Variants in TUSC3 observed in about 807,000 individuals in gnomAD.
TUSC3 encodes the protein tumor suppressor candidate 3.
TUSC3 carries 45 observed loss-of-function variants against 44.8 expected under a neutral mutation model. The observed-to-expected ratio is 1.00, with a 90% confidence interval of 0.79 to 1.29. The LOEUF is 1.29. TUSC3 is among the 50% of genes most tolerant of loss of function. The probability of loss-of-function intolerance (pLI) is 0.00; values close to 1 mark genes in which losing one functional copy is unlikely to be tolerated. For synonymous variants in TUSC3, 212 were observed against 152.9 expected (o/e 1.39, Z -2.85); for missense variants, 519 against 437.9 (o/e 1.19, Z -1.65).
chr8:15,662,127 T>C (rs2129179987), intron 4 of TUSC3, 29 bp from the exon 5 acceptor site: 7 of 1,611,496 alleles, frequency 4.3e-6, no homozygotes, highest in Non-Finnish European at 5.9e-6. Flanking sequence ...TTTTCTTTCA[T>C]TTTTGAAATT....
At chr8:15,672,866 G>A (rs1563165433) in intron 5 of TUSC3, among the ~76,000 whole-genome samples, 1 of 151,982 alleles carries the variant, frequency 6.6e-6, no homozygotes, top group Non-Finnish European at 1.5e-5. Flanking sequence ...GGTGTTTTTG[G>A]TGTTTTTATT....
chr8:15,506,157 C>G (rs1206897371), intron 2 of TUSC3, among the ~76,000 whole-genome samples: 1 of 152,140 alleles, frequency 6.6e-6, no homozygotes, highest in East Asian at 1.9e-4. Context: ...AGTATATTAT[C>G]TGCTGGGGCT....
chr8:15,676,767 G>A (rs183928320), intron 6 of TUSC3, among the ~76,000 whole-genome samples: 171 of 152,282 alleles, frequency 1.1e-3, no homozygotes, highest in African/African-American at 3.9e-3. Flanking sequence ...AAATATCAGA[G>A]TATTGAAAGT....
the TUSC3 span, among the ~76,000 whole-genome samples, chr8:15,817,391 C>G: frequency 6.6e-6 from 1 of 151,244 alleles, no homozygotes; most frequent in African/African-American, 2.4e-5. Flanking sequence ...CAAAGGGTAA[C>G]TATGTGGTAC....
chr8:15,793,883 A>G, the TUSC3 span, among the ~76,000 whole-genome samples: 3 of 152,226 alleles, frequency 2.0e-5, no homozygotes, highest in Non-Finnish European at 4.4e-5. Context: ...GTCATAGGTC[A>G]TAAAGTATCT....
rs143347159 is a variant in TUSC3, at chr8:15,603,563, A to G, written c.139-19517A>G. Among the ~76,000 whole-genome samples, 33 of 151,834 alleles carry G rather than the reference A, an allele frequency of 2.2e-4. No individual in the cohort carries two copies. In the East Asian group the frequency reaches 2.9e-3, roughly 13 times the overall value. The stretch of plus-strand genomic sequence containing the variant: ...AGTACAATATATAGGATTATAAAAG[A>G]TAGTCATATTGAAATATCATTATTA... On this transcript the variant is annotated intron_variant, in intron 1 of 10. Coordinates refer to ENST00000503731, the MANE Select transcript of TUSC3 (RefSeq NM_006765.4).
At chr8:15,521,635 G>T (rs967075298) in intron 2 of TUSC3, among the ~76,000 whole-genome samples, 1 of 152,108 alleles carries the variant, frequency 6.6e-6, no homozygotes, top group Non-Finnish European at 1.5e-5. Flanking sequence ...AAAGGTACGT[G>T]CATAAACTTT....
At chr8:15,799,044 A>G in the TUSC3 span, among the ~76,000 whole-genome samples, 2 of 152,324 alleles carry the variant, frequency 1.3e-5, no homozygotes, top group South Asian at 2.1e-4. Context: ...GAGTTTAACT[A>G]TATCAAGAAA....
At chr8:15,581,608 G>GC (rs1236662490) in intron 1 of TUSC3, among the ~76,000 whole-genome samples, 8 of 149,734 alleles carry the variant, frequency 5.3e-5, no homozygotes, top group African/African-American at 2.0e-4. Flanking sequence ...CTGCTGCGGG[G>GC]TGCCTCCCAG....
At chr8:15,684,452 C>A (rs1477418995) in intron 6 of TUSC3, among the ~76,000 whole-genome samples, 1 of 152,152 alleles carries the variant, frequency 6.6e-6, no homozygotes, top group East Asian at 1.9e-4. Context: ...TTGAGTTCTC[C>A]TGACCTGGTG....
At chr8:15,707,784 C>G (rs565709616) in intron 6 of TUSC3, among the ~76,000 whole-genome samples, 1 of 151,970 alleles carries the variant, frequency 6.6e-6, no homozygotes, top group Admixed American at 6.6e-5. Context: ...AACCGGGTAA[C>G]TTTAAAACAA....
chr8:15,828,318 T>C, the TUSC3 span, among the ~76,000 whole-genome samples: 1 of 152,184 alleles, frequency 6.6e-6, no homozygotes, highest in Admixed American at 6.5e-5. Flanking sequence ...TAATCTACAG[T>C]TTGTAGATTG....
intron 1 of TUSC3, among the ~76,000 whole-genome samples, chr8:15,419,779 G>T (rs1799715597): frequency 6.6e-6 from 1 of 152,160 alleles, no homozygotes; most frequent in African/African-American, 2.4e-5. Context: ...ATAAGGGTAG[G>T]TGTTTAATAT....
intron 5 of TUSC3, among the ~76,000 whole-genome samples, chr8:15,667,001 A>G (rs1807690924): frequency 6.6e-6 from 1 of 151,562 alleles, no homozygotes; most frequent in South Asian, 2.1e-4. Context: ...CTACTCATAT[A>G]TGGATAGATT....
downstream of TUSC3, among the ~76,000 whole-genome samples, chr8:15,770,259 C>T (rs752462509): frequency 3.9e-5 from 6 of 152,148 alleles, no homozygotes; most frequent in Non-Finnish European, 8.8e-5. Context: ...ATATCCTTTG[C>T]AGGGACATGG....
In TUSC3 at chr8:15,580,935, C is replaced by T. The variant is rs1803302273; in HGVS notation, c.138+40367C>T. On this transcript the variant is annotated intron_variant, in intron 1 of 10. Transcript: ENST00000503731. ...TGTTTTCCAACTTGGTTCCATTCTC[C>T]CCATCACTTTCAGGTACACCAATCA... 3.3e-5 allele frequency among the ~76,000 whole-genome samples: 4 copies of T among 122,418 alleles called. No homozygotes were observed. In the South Asian group the frequency reaches 1.1e-3, roughly 35 times the overall value. The allele number at this position is 122,418 out of a possible 152,430, so 80.3% of individuals were successfully genotyped here. A position where few individuals can be genotyped will look rare whatever the true frequency, so the allele number is the denominator to read the frequency against.
chr8:15,843,619 T>TACACACAC, the TUSC3 span, among the ~76,000 whole-genome samples: 1 of 142,976 alleles, frequency 7.0e-6, no homozygotes, highest in African/African-American at 2.9e-5. Flanking sequence ...TATATATATA[T>TACACACAC]ATACACGCAC....
the TUSC3 span, among the ~76,000 whole-genome samples, chr8:15,823,769 C>T: frequency 1.3e-5 from 2 of 150,368 alleles, no homozygotes; most frequent in African/African-American, 4.9e-5. Context: ...AATCCTGCAA[C>T]TAAATCAAAC....
the TUSC3 span, among the ~76,000 whole-genome samples, chr8:15,807,572 T>A: frequency 2.6e-5 from 4 of 152,218 alleles, no homozygotes; most frequent in Non-Finnish European, 5.9e-5. Context: ...TATACTTTTA[T>A]GTTCATAACA....
Sources: allele counts gnomAD v4.1 joint callset (sites outside exome capture counted in the v4.1 genomes callset), GRCh38; gene constraint gnomAD v4.1.1; transcripts MANE v1.5; gene names NCBI Gene and HGNC (gene_info 2026-07-23, HGNC 2026-07-21).